GRIK3: variants seen among roughly 807,000 people sequenced by gnomAD.
GRIK3 encodes the protein glutamate receptor ionotropic, kainate 3.
Under a neutral mutation model 102.5 loss-of-function variants are expected in GRIK3, and 29 were observed. That is an observed-to-expected ratio of 0.28 (90% CI 0.21 to 0.39). The LOEUF is 0.39. GRIK3 is among the 10% of genes least tolerant of loss of function. The pLI, the probability that GRIK3 is intolerant of heterozygous loss-of-function variation, is 1.00. For missense variants in GRIK3, 908 were observed against 1,252.4 expected, an observed-to-expected ratio of 0.73 and a Z score of 4.15; for synonymous variants, 511 against 504.9, an observed-to-expected ratio of 1.01 and a Z score of -0.16.
In GRIK3 at chr1:36,838,511, C is replaced by A. The variant is rs559272394; in HGVS notation, c.1530+3225G>T. On this transcript the variant is annotated intron_variant, in intron 10 of 15. Coordinates refer to ENST00000373091, the MANE Select transcript of GRIK3 (RefSeq NM_000831.4). ...TGTCCCTATAGTTCAAGGTGACTTG[C>A]GGCAGGCGAGTGTGTCAGCAGAAGG... Among the ~76,000 whole-genome samples the A allele has an allele frequency of 9.9e-5, 15 of 152,242 alleles. 1 individual carries two copies. The highest frequency in any genetic ancestry group is 6.8e-3 in the Middle Eastern group (2 of 294).
intron 1 of GRIK3, among the ~76,000 whole-genome samples, chr1:36,934,717 A>T (rs1313269479): frequency 6.6e-6 from 1 of 152,220 alleles, no homozygotes; most frequent in African/African-American, 2.4e-5. Flanking sequence ...CACACCTGCC[A>T]GACACAATGG....
chr1:36,924,865 A>C (rs539050085), intron 1 of GRIK3, among the ~76,000 whole-genome samples: 12 of 152,302 alleles, frequency 7.9e-5, no homozygotes, highest in African/African-American at 2.9e-4. Flanking sequence ...AAACATCTGC[A>C]CAGACTTACT....
chr1:36,813,417 CAGT>C (rs1434547944), intron 13 of GRIK3, among the ~76,000 whole-genome samples: 1 of 152,232 alleles, frequency 6.6e-6, no homozygotes, highest in African/African-American at 2.4e-5. Context: ...TCCTGTTCAA[CAGT>C]AGTGCAGCCT....
At chr1:36,931,992 G>T (rs1308611427) in intron 1 of GRIK3, among the ~76,000 whole-genome samples, 1 of 152,048 alleles carries the variant, frequency 6.6e-6, no homozygotes, top group Non-Finnish European at 1.5e-5. Context: ...TCCTCATCCT[G>T]TCCTGCCCCC....
chr1:36,915,161 G>A (rs1281807676), intron 1 of GRIK3, among the ~76,000 whole-genome samples: 1 of 152,198 alleles, frequency 6.6e-6, no homozygotes, highest in Non-Finnish European at 1.5e-5. Context: ...GCATACAGCA[G>A]ATAAACAGTA....
At chr1:36,832,766 C>T (rs1290572644) in intron 10 of GRIK3, among the ~76,000 whole-genome samples, 1 of 152,174 alleles carries the variant, frequency 6.6e-6, no homozygotes, top group Non-Finnish European at 1.5e-5. Context: ...CCATAGGGGT[C>T]CCCAGGTTGG....
intron 1 of GRIK3, among the ~76,000 whole-genome samples, chr1:36,954,718 G>A: frequency 6.6e-6 from 1 of 151,966 alleles, no homozygotes; most frequent in East Asian, 1.9e-4. Flanking sequence ...CACACACGCA[G>A]AGAAGCACAT....
chr1:36,990,118 G>A (rs1284007940), intron 1 of GRIK3, among the ~76,000 whole-genome samples: 5 of 152,058 alleles, frequency 3.3e-5, no homozygotes, highest in Non-Finnish European at 7.3e-5. Flanking sequence ...GAAGCAGGCC[G>A]TCCTGACCAC....
Position 36,841,905 on chromosome 1 carries a change from C to G in GRIK3, c.1361G>C (p.Arg454Thr). ...EPFVMFRKSD[R>T]TLYGNDRFEG... ...GAACCGGTCATTCCCGTATAGCGTC[C>G]TGTCTGATTTCCGAAACATGACGAA... The change falls in exon 10 of 16, where the codon AGG (arginine) becomes ACG (threonine). Residue 454 changes from arginine (R) to threonine (T), a missense_variant. By Grantham distance (71) the Arg-to-Thr change is moderately conservative. Around this residue, in one of 3 missense-constraint regions of GRIK3, gnomAD observed 585 missense variants for 824.9 expected, o/e 0.71. Coordinates refer to ENST00000373091, the MANE Select transcript of GRIK3 (RefSeq NM_000831.4). 6.2e-7 allele frequency: 1 copy of G among 1,614,238 alleles called. No individual in the cohort carries two copies. The highest frequency in any genetic ancestry group is 1.6e-4 in the Middle Eastern group (1 of 6,062).
intron 1 of GRIK3, among the ~76,000 whole-genome samples, chr1:37,033,382 C>T (rs1405222143): frequency 6.6e-6 from 1 of 152,178 alleles, no homozygotes; most frequent in Non-Finnish European, 1.5e-5. Context: ...GCCTTGGCCC[C>T]GAGGGACCAG....
chr1:36,859,923 G>T lies in GRIK3; in HGVS notation c.881C>A (p.Ala294Asp). 1 of 1,613,832 alleles carries T rather than the reference G, an allele frequency of 6.2e-7. No individual in the cohort carries two copies. ...CTCCATGGACCACTTCTCCACAATG[G>T]CCGAGACGTGTGGGTTGTCCACATT... ...ILNVDNPHVS[A>D]IVEKWSMERL... Residue 294 changes from alanine (A) to aspartate (D), a missense_variant, in exon 6 of 16, where the codon GCC (alanine) becomes GAC (aspartate). Around this residue, in one of 3 missense-constraint regions of GRIK3, gnomAD observed 585 missense variants for 824.9 expected, o/e 0.71. Coordinates refer to ENST00000373091, the MANE Select transcript of GRIK3 (RefSeq NM_000831.4).
intron 1 of GRIK3, among the ~76,000 whole-genome samples, chr1:36,977,245 A>C (rs1642205039): frequency 1.3e-5 from 2 of 152,246 alleles, no homozygotes; most frequent in Non-Finnish European, 2.9e-5. Context: ...GTAACAAATG[A>C]AATCATGCCT....
chr1:36,866,015 C>G (rs748444415), intron 5 of GRIK3, among the ~76,000 whole-genome samples: 41 of 152,220 alleles, frequency 2.7e-4, no homozygotes, highest in Non-Finnish European at 5.6e-4. Flanking sequence ...TTCCAAGTAG[C>G]TGGGACTACA....
chr1:37,010,264 C>T (rs759535076), intron 1 of GRIK3, among the ~76,000 whole-genome samples: 21 of 152,314 alleles, frequency 1.4e-4, no homozygotes, highest in Admixed American at 2.6e-4. Flanking sequence ...CCCAGAGTTG[C>T]CTGAGGCTCA....
In GRIK3 at chr1:36,799,047, C is replaced by T. The variant is rs977671768; in HGVS notation, c.*2804G>A. On this transcript the variant is annotated 3_prime_UTR_variant, in exon 16 of 16. Coordinates refer to ENST00000373091, the MANE Select transcript of GRIK3 (RefSeq NM_000831.4). ...ATGAGGCACGTGCTCTGAAACTATA[C>T]TGGACAAAGTAAGACGGCGCTTAAT... 6.6e-6 allele frequency: 1 copy of T among 152,242 alleles called. No homozygotes were observed. The highest frequency in any genetic ancestry group is 2.4e-5 in the African/African-American group (1 of 41,456). 9.4% of individuals were successfully genotyped at this position (152,242 alleles called of 1,614,324 possible). A position where few individuals can be genotyped will look rare whatever the true frequency, so the allele number is the denominator to read the frequency against.
In GRIK3 at chr1:36,870,274, GT is replaced by G. The variant is rs142855910; in HGVS notation, c.733-474del. Among the ~76,000 whole-genome samples, 1,470 of 152,278 alleles carry G rather than the reference GT, an allele frequency of 9.7e-3. 21 individuals carry two copies. Among genetic ancestry groups the G allele is most frequent in the African/African-American group, 0.034 (1,408 of 41,540 alleles). ...GGCCTAGCCAGGCCTGAGCTGGGAG[GT>G]CTGTCTTCAGCCTCCCCAAGAAGGG... is the stretch of plus-strand genomic sequence containing the variant. On this transcript the variant is annotated intron_variant, in intron 4 of 15. Coordinates refer to ENST00000373091, the MANE Select transcript of GRIK3 (RefSeq NM_000831.4).
At chr1:36,849,097 T>C (rs1050817123) in intron 9 of GRIK3, among the ~76,000 whole-genome samples, 2 of 152,206 alleles carry the variant, frequency 1.3e-5, no homozygotes, top group Non-Finnish European at 2.9e-5. Context: ...CATTTATCTC[T>C]GGATGCCGAC....
At position 36,994,142 on chromosome 1, in the gene GRIK3, GT is replaced by G. The variant is rs537452858; in HGVS notation, c.115+39851del. ...TGAGGATTCCACGCATGGTCCAGCTGTGGGGTCAACATAGATCAGGGTTACC... is the reference window on the plus strand; with the variant it reads ...TGAGGATTCCACGCATGGTCCAGCTGGGGGTCAACATAGATCAGGGTTACC... On this transcript the variant is annotated intron_variant, in intron 1 of 15. Coordinates refer to ENST00000373091, the MANE Select transcript of GRIK3 (RefSeq NM_000831.4). Among the ~76,000 whole-genome samples the G allele has an allele frequency of 4.5e-3, 684 of 152,334 alleles. 3 individuals carry two copies. The highest frequency in any genetic ancestry group is 7.6e-3 in the Non-Finnish European group (518 of 68,032).
In GRIK3 at chr1:37,013,176, C is replaced by T. The variant is rs180722589; in HGVS notation, c.115+20818G>A. ...AACCCCTTATAAAACCATCAGATCT[C>T]GTGAGACGTATTTACTACCAAGAGA... is the stretch of plus-strand genomic sequence containing the variant. On this transcript the variant is annotated intron_variant, in intron 1 of 15. Transcript: ENST00000373091. 5.3e-4 allele frequency among the ~76,000 whole-genome samples: 80 copies of T among 152,252 alleles called. No individual in the cohort carries two copies. In the East Asian group the frequency reaches 0.014, roughly 27 times the overall value.
Sources: allele counts gnomAD v4.1 joint callset (sites outside exome capture counted in the v4.1 genomes callset), GRCh38; gene constraint gnomAD v4.1.1; regional missense constraint gnomAD v4.1.1; transcripts MANE v1.5; gene names NCBI Gene and HGNC (gene_info 2026-07-23, HGNC 2026-07-21).